Variants in RAD52 observed in about 807,000 individuals in gnomAD.
RAD52 encodes the protein RAD52 DNA repair protein.
RAD52 carries 47 observed loss-of-function variants against 55.5 expected under a neutral mutation model. The ratio of observed to expected loss-of-function variants is 0.85; its 90% CI spans 0.67 to 1.08. The LOEUF (loss-of-function observed/expected upper bound fraction) is 1.08, where lower values mean the gene tolerates loss of function less well. Ranked by LOEUF, RAD52 falls within the 50% of genes least tolerant of loss-of-function variation. The pLI, the probability that RAD52 is intolerant of heterozygous loss-of-function variation, is 0.00. For missense variants in RAD52, 468 were observed against 522.8 expected, an observed-to-expected ratio of 0.90 and a Z score of 1.02; for synonymous variants, 184 against 198.9, an observed-to-expected ratio of 0.92 and a Z score of 0.63.
At chr12:956,720 T>A (rs1327477749) in intron 1 of RAD52, among the ~76,000 whole-genome samples, 3 of 152,130 alleles carry the variant, frequency 2.0e-5, no homozygotes, top group Non-Finnish European at 4.4e-5. Context: ...CTAATTTTTG[T>A]ATTTTTAGTA....
chr12:930,553 T>C lies in RAD52; in HGVS notation c.187-409A>G, dbSNP rs11571417. On this transcript the variant is annotated intron_variant, in intron 3 of 11. Transcript: ENST00000358495. ...GACATATTTTATGGAAGACCAAAAA[T>C]ATACACAGAAGTTAAAATTAGAAGC... Among the ~76,000 whole-genome samples the C allele has an allele frequency of 1.9e-3, 286 of 151,778 alleles. 1 individual carries two copies. The highest frequency in any genetic ancestry group is 6.8e-3 in the Middle Eastern group (2 of 294).
upstream of RAD52, among the ~76,000 whole-genome samples, chr12:953,483 G>C (rs1958563304): frequency 6.6e-6 from 1 of 152,116 alleles, no homozygotes; most frequent in Non-Finnish European, 1.5e-5. Context: ...TCATTACTTA[G>C]TCAAATAAAG....
At chr12:929,188 A>G (rs1957198315) in intron 5 of RAD52, among the ~76,000 whole-genome samples, 1 of 152,166 alleles carries the variant, frequency 6.6e-6, no homozygotes, top group Non-Finnish European at 1.5e-5. Context: ...ATAAATATGT[A>G]TTAGGATTAA....
At chr12:970,224 CAGG>C (rs1260915941) in intron 1 of RAD52, among the ~76,000 whole-genome samples, 1 of 142,036 alleles carries the variant, frequency 7.0e-6, no homozygotes, top group East Asian at 2.1e-4. Flanking sequence ...GGTGCTGAGG[CAGG>C]AGAATCACCT....
At chr12:925,404 G>A (rs1956978625) in intron 7 of RAD52, 46 bp downstream of exon 7, 2 of 1,496,442 alleles carry the variant, frequency 1.3e-6, no homozygotes, top group Non-Finnish European at 1.9e-6. Context: ...TGACACACAA[G>A]AGTTTGCCGC....
chr12:969,295 G>C (rs1958809687), intron 1 of RAD52, among the ~76,000 whole-genome samples: 1 of 151,874 alleles, frequency 6.6e-6, no homozygotes, highest in South Asian at 2.1e-4. Flanking sequence ...ACCAGTCAAA[G>C]AATTATTTAA....
At chr12:976,933 T>C (rs1020571646) in intron 1 of RAD52, 2 of 152,268 alleles carry the variant, frequency 1.3e-5, no homozygotes, top group African/African-American at 4.8e-5. Flanking sequence ...GTTCTTCCAG[T>C]AGTCAACTCT....
chr12:980,572 G>A (rs1959000643), intron 1 of RAD52, among the ~76,000 whole-genome samples: 1 of 150,558 alleles, frequency 6.6e-6, no homozygotes, highest in Non-Finnish European at 1.5e-5. Flanking sequence ...GGGATTACAG[G>A]CATGAGCCAC....
rs1429559049 is a variant in RAD52, at chr12:912,738, AAAAAAAAC to A, written c.*645_*652del. On this transcript the variant is annotated 3_prime_UTR_variant, in exon 12 of 12. Coordinates refer to ENST00000358495, the MANE Select transcript of RAD52 (RefSeq NM_134424.4). ...ACCCCGTCTCAAAAAAAAAAAAAAAAAAAAAAACAAAAAACAGCCTTTTTTCGTGGTCT... is the reference window on the plus strand; with the variant it reads ...ACCCCGTCTCAAAAAAAAAAAAAAAAAAAAAACAGCCTTTTTTCGTGGTCT... The A allele has an allele frequency of 1.5e-3, 206 of 139,820 alleles. No individual in the cohort carries two copies. Among genetic ancestry groups the A allele is most frequent in the African/African-American group, 4.2e-3 (145 of 34,876 alleles). The allele number at this position is 139,820 out of a possible 1,614,324, so 8.7% of individuals were successfully genotyped here.
chr12:979,283 T>C (rs1480860309), intron 1 of RAD52, among the ~76,000 whole-genome samples: 1 of 151,970 alleles, frequency 6.6e-6, no homozygotes, highest in Non-Finnish European at 1.5e-5. Context: ...CTACTAAACA[T>C]ACAAAGATTT....
chr12:964,678 A>T (rs893218329), intron 1 of RAD52, among the ~76,000 whole-genome samples: 1 of 152,036 alleles, frequency 6.6e-6, no homozygotes, highest in Non-Finnish European at 1.5e-5. Context: ...TTCTGAACTC[A>T]AGAGATCCTC....
At chr12:925,101 C>T (rs965822083) in intron 7 of RAD52, among the ~76,000 whole-genome samples, 2 of 152,002 alleles carry the variant, frequency 1.3e-5, no homozygotes, top group Non-Finnish European at 2.9e-5. Context: ...CAGGCGCCCA[C>T]CACCTCGCCC....
intron 6 of RAD52, chr12:926,745 T>C: frequency 1.4e-6 from 2 of 1,477,292 alleles, no homozygotes; most frequent in Non-Finnish European, 1.8e-6. Flanking sequence ...GCAACATAAA[T>C]GGACTAACAC....
chr12:949,926 C>T (rs1958476463), upstream of RAD52, among the ~76,000 whole-genome samples: 1 of 152,192 alleles, frequency 6.6e-6, no homozygotes, highest in Admixed American at 6.5e-5. Context: ...TCCTACTTCC[C>T]GCCAGCTTCC....
At chr12:980,511 C>G (rs1027591208) in intron 1 of RAD52, among the ~76,000 whole-genome samples, 13 of 151,568 alleles carry the variant, frequency 8.6e-5, no homozygotes, top group Admixed American at 8.5e-4. Context: ...CCAGGCTGGT[C>G]TCGAACTCCT....
In RAD52 at chr12:916,652, C is replaced by A. The variant is rs1412557548; in HGVS notation, c.712G>T (p.Asp238Tyr). 2.5e-6 allele frequency: 4 copies of A among 1,613,704 alleles called. No individual in the cohort carries two copies. In the South Asian group the frequency reaches 4.4e-5, roughly 18 times the overall value. Residue 238 changes from aspartate (D) to tyrosine (Y), a missense_variant, in exon 8 of 12, where the codon GAC becomes TAC. Asp to Tyr is a radical substitution (Grantham distance 160). Transcript: ENST00000358495. ...PSHAVIPADQ[D>Y]CSSRSLSSSA... is the part of the protein sequence containing the mutation. ...TAGGCCGCATACCGGGAGCTGCAGT[C>A]CTGGTCCGCCGGTATCACAGCATGG...
At chr12:953,332 CAG>C (rs1204203610), upstream of RAD52, among the ~76,000 whole-genome samples, 1 of 151,714 alleles carries the variant, frequency 6.6e-6, no homozygotes, top group Non-Finnish European at 1.5e-5. Flanking sequence ...AATAAGAAAA[CAG>C]AGACAAAGAC....
chr12:967,592 T>C (rs1300116689), intron 1 of RAD52, among the ~76,000 whole-genome samples: 1 of 151,892 alleles, frequency 6.6e-6, no homozygotes, highest in East Asian at 1.9e-4. Context: ...GCCTATGTCA[T>C]TTAGTTTTAC....
Position 980,712 on chromosome 12 carries a change from C to G in RAD52, c.-19+9097G>C, listed in dbSNP as rs139513460. On this transcript the variant is annotated intron_variant, in intron 1 of 11. Transcript: ENST00000430095. The stretch of plus-strand genomic sequence containing the variant: ...CGCCTCCTGGGTTCAGGCCTCCTGC[C>G]TCAGCCTCTTGAGTAGCTAGGATTA... 3.9e-3 allele frequency among the ~76,000 whole-genome samples: 588 copies of G among 152,116 alleles called. 1 individual carries two copies. Among genetic ancestry groups the G allele is most frequent in the African/African-American group, 0.013 (534 of 41,502 alleles).
Sources: allele counts gnomAD v4.1 joint callset (sites outside exome capture counted in the v4.1 genomes callset), GRCh38; gene constraint gnomAD v4.1.1; transcripts MANE v1.5; gene names NCBI Gene and HGNC (gene_info 2026-07-23, HGNC 2026-07-21).